NR3C1: variants seen among roughly 807,000 people sequenced by gnomAD.
The protein encoded by NR3C1 is glucocorticoid receptor.
Under a neutral mutation model 74.0 loss-of-function variants are expected in NR3C1, and 14 were observed. The ratio of observed to expected loss-of-function variants is 0.19; its 90% CI spans 0.12 to 0.30. The LOEUF (loss-of-function observed/expected upper bound fraction) is 0.30. Ranked by LOEUF, NR3C1 falls within the 10% of genes least tolerant of loss-of-function variation. The pLI, the probability that NR3C1 is intolerant of heterozygous loss-of-function variation, is 1.00. For missense variants in NR3C1, 695 were observed against 909.8 expected (o/e 0.76, Z 3.04); for synonymous variants, 308 against 332.5 (o/e 0.93, Z 0.80).
intron 7 of NR3C1, among the ~76,000 whole-genome samples, chr5:143,283,663 G>A (rs942683836): frequency 6.6e-6 from 1 of 152,146 alleles, no homozygotes; most frequent in African/African-American, 2.4e-5. Context: ...TATGTACATG[G>A]ATTCTGGTTA....
chr5:143,396,498 A>C (rs569401559), intron 2 of NR3C1, among the ~76,000 whole-genome samples: 1 of 151,864 alleles, frequency 6.6e-6, no homozygotes. Context: ...GTCAAAACAA[A>C]TCTCTTCTCT....
At chr5:143,325,445 AC>A (rs1378544257) in intron 2 of NR3C1, among the ~76,000 whole-genome samples, 1 of 152,222 alleles carries the variant, frequency 6.6e-6, no homozygotes, top group Non-Finnish European at 1.5e-5. Flanking sequence ...TCTGGGAGAT[AC>A]AATTCACGTT....
At chr5:143,333,013 T>A in intron 2 of NR3C1, 2 of 1,587,248 alleles carry the variant, frequency 1.3e-6, no homozygotes, top group Non-Finnish European at 1.7e-6. Context: ...GACAACACAG[T>A]GATTGAGGAG....
intron 2 of NR3C1, among the ~76,000 whole-genome samples, chr5:143,359,835 T>C (rs948325452): frequency 6.6e-6 from 1 of 152,260 alleles, no homozygotes; most frequent in South Asian, 2.1e-4. Flanking sequence ...GGAGAATCAC[T>C]TGAACCCAGG....
rs34827388 is a variant in NR3C1, at chr5:143,311,788, GTT to G, written c.1352-1577_1352-1576del. ...ACTACAGGTGCGATGCCTGGATAAC[GTT>G]TTTTTTTTTTTTTTTTTTCCTGTAG... On this transcript the variant is annotated intron_variant, in intron 3 of 8. Transcript: ENST00000394464. Among the ~76,000 whole-genome samples the G allele has an allele frequency of 1.8e-3, 214 of 119,360 alleles. 3 individuals carry two copies. The East Asian group carries it at 0.025, about 14-fold the overall frequency. The allele number at this position is 119,360 out of a possible 152,430, so 78.3% of individuals were successfully genotyped here.
At chr5:143,359,367 T>C (rs1831803361) in intron 2 of NR3C1, among the ~76,000 whole-genome samples, 1 of 152,218 alleles carries the variant, frequency 6.6e-6, no homozygotes, top group African/African-American at 2.4e-5. Context: ...TTCTAACAAA[T>C]ACATACTTGA....
At chr5:143,299,752 T>G (rs1818110562) in intron 5 of NR3C1, among the ~76,000 whole-genome samples, 1 of 152,230 alleles carries the variant, frequency 6.6e-6, no homozygotes, top group Non-Finnish European at 1.5e-5. Context: ...TATGTATTGA[T>G]TTTAAAAAAC....
chr5:143,381,173 A>G (rs1235835921), intron 2 of NR3C1, among the ~76,000 whole-genome samples: 5 of 152,142 alleles, frequency 3.3e-5, no homozygotes, highest in African/African-American at 1.2e-4. Context: ...AGAAATCAGA[A>G]AGTAATCTCA....
At chr5:143,383,560 G>A (rs1230925127) in intron 2 of NR3C1, among the ~76,000 whole-genome samples, 2 of 152,210 alleles carry the variant, frequency 1.3e-5, no homozygotes, top group South Asian at 4.1e-4. Context: ...GGCTGCCAGA[G>A]GATACCATCA....
At chr5:143,298,919 C>T in intron 5 of NR3C1, 107 bp from the exon 6 acceptor site, 1 of 1,115,176 alleles carries the variant, frequency 9.0e-7, no homozygotes, top group Non-Finnish European at 1.3e-6. Flanking sequence ...AACAAGGGCA[C>T]CCCTAACAGA....
Position 143,400,087 on chromosome 5 carries a change from C to T in NR3C1, c.753G>A (p.Pro251=), listed in dbSNP as rs375379753. 5.9e-5 allele frequency: 95 copies of T among 1,613,970 alleles called. No homozygotes were observed. The highest frequency in any genetic ancestry group is 2.0e-4 in the African/African-American group (15 of 74,864). ...SNEDCKPLIL[P]DTKPKIKDNG... is the part of the protein sequence containing the mutation. The stretch of plus-strand genomic sequence containing the variant: ...TATCCTTAATTTTGGGTTTAGTGTC[C>T]GGTAAAATGAGAGGCTTGCAGTCCT... The change falls in exon 2 of 9, where the codon CCG becomes CCA. Residue 251 remains proline, a synonymous_variant. Transcript: ENST00000394464.
intron 4 of NR3C1, among the ~76,000 whole-genome samples, chr5:143,302,432 TAAA>T (rs1430745166): frequency 1.3e-5 from 2 of 152,072 alleles, no homozygotes; most frequent in Non-Finnish European, 2.9e-5. Flanking sequence ...TCCAAAATCA[TAAA>T]ATGTACTTTT....
At chr5:143,404,676 CT>C (rs72557311), upstream of NR3C1, 114 of 266,718 alleles carry the variant, frequency 4.3e-4, no homozygotes, top group Non-Finnish European at 5.8e-4. Context: ...TTTCTTTGCA[CT>C]TTTTTTTTAT....
intron 2 of NR3C1, among the ~76,000 whole-genome samples, chr5:143,359,724 C>T (rs1452108551): frequency 6.6e-6 from 1 of 152,068 alleles, no homozygotes; most frequent in African/African-American, 2.4e-5. Context: ...TCGAGACCAG[C>T]CTGCCCAACA....
chr5:143,427,124 G>T lies in NR3C1; in HGVS notation c.-14+7408C>A, dbSNP rs141572765. On this transcript the variant is annotated intron_variant, in intron 1 of 8. Coordinates refer to the NR3C1 transcript ENST00000343796. Reference sequence around the variant, plus strand: ...AAGCCTAATATTTCTAATTCTAGAGGAAGAACCCCAGTCTGCACTATAAGT... The same window carrying T: ...AAGCCTAATATTTCTAATTCTAGAGTAAGAACCCCAGTCTGCACTATAAGT... 1.6e-3 allele frequency among the ~76,000 whole-genome samples: 240 copies of T among 152,214 alleles called. 1 individual carries two copies. The East Asian group carries it at 0.034, about 22-fold the overall frequency.
chr5:143,403,598 G>A lies in NR3C1; in HGVS notation c.-401C>T. The A allele has an allele frequency of 1.0e-6, 1 of 986,400 alleles. No individual in the cohort carries two copies. Among genetic ancestry groups the A allele is most frequent in the Non-Finnish European group, 1.2e-6 (1 of 830,712 alleles). The allele number at this position is 986,400 out of a possible 1,614,324, so 61.1% of individuals were successfully genotyped here. A position where few individuals can be genotyped will look rare whatever the true frequency, so the allele number is the denominator to read the frequency against. On this transcript the variant is annotated 5_prime_UTR_variant, in exon 1 of 9. Coordinates refer to ENST00000394464, the MANE Select transcript of NR3C1 (RefSeq NM_000176.3). ...ACGAGCTCGCAAAATGGAGGAGGCGGCGGCGGAGGGAAGAGAGCGCGGACA... is the reference window on the plus strand; with the variant it reads ...ACGAGCTCGCAAAATGGAGGAGGCGACGGCGGAGGGAAGAGAGCGCGGACA...
At chr5:143,350,642 C>T (rs561548631) in intron 2 of NR3C1, among the ~76,000 whole-genome samples, 1 of 152,210 alleles carries the variant, frequency 6.6e-6, no homozygotes, top group African/African-American at 2.4e-5. Flanking sequence ...GCTGGAGATA[C>T]AGTAGATATG....
intron 2 of NR3C1, among the ~76,000 whole-genome samples, chr5:143,389,036 T>C (rs1381617921): frequency 1.3e-5 from 2 of 152,184 alleles, no homozygotes; most frequent in South Asian, 2.1e-4. Context: ...CTTTTCTTAT[T>C]CCAAATAGTT....
intron 1 of NR3C1, among the ~76,000 whole-genome samples, chr5:143,427,022 TTTC>T (rs1413971292): frequency 6.6e-6 from 1 of 152,220 alleles, no homozygotes; most frequent in Non-Finnish European, 1.5e-5. Context: ...AGCAGGTCTT[TTTC>T]TTCATTTCTG....
Sources: gnomAD v4.1 joint callset for allele counts (sites outside exome capture counted in the v4.1 genomes callset) on GRCh38, gnomAD v4.1.1 for gene constraint, MANE v1.5 for transcripts, NCBI Gene and HGNC (gene_info 2026-07-23, HGNC 2026-07-21) for gene names.